Variants in GOT2 observed in about 807,000 individuals in gnomAD.
GOT2 encodes glutamic-oxaloacetic transaminase 2, also known as aspartate aminotransferase, mitochondrial.
A neutral mutation model predicts 50.0 loss-of-function variants in GOT2; 17 were observed. The ratio of observed to expected loss-of-function variants is 0.34; its 90% CI spans 0.23 to 0.51. GOT2 has a LOEUF of 0.51. Among genes scored for constraint, GOT2 ranks in the 20% least tolerant of loss-of-function variants. The pLI, the probability that GOT2 is intolerant of heterozygous loss-of-function variation, is 0.97. For missense variants in GOT2, 430 were observed against 559.6 expected (o/e 0.77, Z 2.34); for synonymous variants, 172 against 204.9 (o/e 0.84, Z 1.37).
intron 1 of GOT2, among the ~76,000 whole-genome samples, chr16:58,733,671 C>T (rs1209359678): frequency 1.3e-5 from 2 of 152,088 alleles, no homozygotes; most frequent in East Asian, 3.9e-4. Context: ...CTCTCGCGCT[C>T]TTCCCGCCCA....
In GOT2 at chr16:58,707,938, A is replaced by G. The variant is rs1401888237; in HGVS notation, c.*233T>C. On this transcript the variant is annotated 3_prime_UTR_variant, in exon 10 of 10. Transcript: ENST00000245206. Reference sequence around the variant, plus strand: ...AAACTCTTTGAGAAAAGTTGGAGAAAAAAGGACCGGGGAGAGTTTGGTTTA... The same window carrying G: ...AAACTCTTTGAGAAAAGTTGGAGAAGAAAGGACCGGGGAGAGTTTGGTTTA... 8.6e-6 allele frequency: 3 copies of G among 348,254 alleles called. No individual in the cohort carries two copies. The highest frequency in any genetic ancestry group is 1.5e-5 in the Non-Finnish European group (3 of 193,960). The allele number at this position is 348,254 out of a possible 1,614,324, so 21.6% of individuals were successfully genotyped here.
At position 58,722,039 on chromosome 16, in the gene GOT2, C is replaced by A. The variant is rs527807421; in HGVS notation, c.375+111G>T. The A allele has an allele frequency of 9.8e-5, 121 of 1,239,246 alleles. 1 individual carries two copies. In the African/African-American group the frequency reaches 1.7e-3, roughly 18 times the overall value. The allele number at this position is 1,239,246 out of a possible 1,614,324, so 76.8% of individuals were successfully genotyped here. On this transcript the variant is annotated intron_variant, in intron 3 of 9. Coordinates refer to ENST00000245206, the MANE Select transcript of GOT2 (RefSeq NM_002080.4). ...AGATGAACCACCCGCCTTGGCCTCC[C>A]AAAGTGGTGGGATTACAGGCGTGAG...
intron 3 of GOT2, among the ~76,000 whole-genome samples, chr16:58,719,785 A>C (rs2044726401): frequency 6.6e-6 from 1 of 152,194 alleles, no homozygotes; most frequent in Non-Finnish European, 1.5e-5. Flanking sequence ...ATAAAAAGAC[A>C]CTGAGAACAG....
rs373294477 is a variant in GOT2, at chr16:58,718,586, G to A, written c.538C>T (p.Arg180Trp). ...CCGCAAGTCTTGGGGTCATAATACC[G>A]ATAACCTTGTAGCTGCATGCCAGCA... ...RDAGMQLQGY[R>W]YYDPKTCGFD... The change falls in exon 5 of 10, where the codon CGG becomes TGG. Residue 180 changes from arginine to tryptophan, a missense_variant. Transcript: ENST00000245206. 5 of 1,610,664 alleles carry A rather than the reference G, an allele frequency of 3.1e-6. No individual in the cohort carries two copies. Among genetic ancestry groups the A allele is most frequent in the Admixed American group, 1.7e-5 (1 of 59,366 alleles).
At chr16:58,727,380 T>A (rs115000601) in intron 1 of GOT2, among the ~76,000 whole-genome samples, 8,907 of 151,216 alleles carry the variant, frequency 0.059, 579 homozygotes, top group African/African-American at 0.17. Flanking sequence ...TTTTTTTTTT[T>A]AAAAAAAGAA....
At chr16:58,712,272 G>A (rs2044655187) in intron 8 of GOT2, among the ~76,000 whole-genome samples, 1 of 152,140 alleles carries the variant, frequency 6.6e-6, no homozygotes, top group Non-Finnish European at 1.5e-5. Flanking sequence ...AGCACTTTGG[G>A]AGGCTGAGGT....
At chr16:58,720,202 C>CTAAA (rs957626315) in intron 3 of GOT2, among the ~76,000 whole-genome samples, 21 of 152,224 alleles carry the variant, frequency 1.4e-4, no homozygotes, top group South Asian at 8.3e-4. Context: ...AATTCCATCT[C>CTAAA]TAAATAAATA....
rs1468311898 is a variant in GOT2, at chr16:58,708,084, T to C, written c.*87A>G. The C allele has an allele frequency of 8.4e-6, 11 of 1,315,046 alleles. No individual in the cohort carries two copies. The highest frequency in any genetic ancestry group is 2.7e-5 in the South Asian group (2 of 74,720). The allele number at this position is 1,315,046 out of a possible 1,614,324, so 81.5% of individuals were successfully genotyped here. On this transcript the variant is annotated 3_prime_UTR_variant, in exon 10 of 10. Transcript: ENST00000245206. Reference sequence around the variant, plus strand: ...GAAAGAAATGATCCACTCACCACCATCCACCCTCTCTCATTGTCTGTGTGA... The same window carrying C: ...GAAAGAAATGATCCACTCACCACCACCCACCCTCTCTCATTGTCTGTGTGA...
At chr16:58,720,932 G>T (rs566918262) in intron 3 of GOT2, among the ~76,000 whole-genome samples, 4 of 152,108 alleles carry the variant, frequency 2.6e-5, no homozygotes, top group Non-Finnish European at 2.9e-5. Context: ...TTTTAAGGTA[G>T]GCCAGTTTCA....
chr16:58,715,963 G>A (rs1293719067), intron 8 of GOT2, 51 bp downstream of exon 8: 6 of 1,419,052 alleles, frequency 4.2e-6, no homozygotes, highest in Non-Finnish European at 4.8e-6. Flanking sequence ...TAACTTTGAA[G>A]GAGCAGTGGT....
At chr16:58,720,314 A>G (rs1179742311) in intron 3 of GOT2, among the ~76,000 whole-genome samples, 1 of 152,214 alleles carries the variant, frequency 6.6e-6, no homozygotes, top group Non-Finnish European at 1.5e-5. Flanking sequence ...GAATCTCCTT[A>G]TTCAAATTGG....
At position 58,718,708 on chromosome 16, in the gene GOT2, G is replaced by T; in HGVS notation, c.436-20C>A. On this transcript the variant is annotated intron_variant, in intron 4 of 9. Transcript: ENST00000245206. The stretch of plus-strand genomic sequence containing the variant: ...TCTTTGCTAAAAGATGGGACGAAAG[G>T]AAACAGAAAAATGAACAAAGGAGAG... 1.3e-6 allele frequency: 2 copies of T among 1,537,944 alleles called. No homozygotes were observed. The highest frequency in any genetic ancestry group is 1.8e-6 in the Non-Finnish European group (2 of 1,142,306).
chr16:58,709,386 G>C (rs145749457), intron 9 of GOT2, 31 bp downstream of exon 9: 27 of 1,547,672 alleles, frequency 1.7e-5, no homozygotes, highest in Non-Finnish European at 2.1e-5. Context: ...CTGATCAGCT[G>C]GTCTGCTGCA....
At chr16:58,719,312 C>G in intron 3 of GOT2, 57 bp from the exon 4 acceptor site, 6 of 1,157,238 alleles carry the variant, frequency 5.2e-6, no homozygotes, top group Non-Finnish European at 6.5e-6. Flanking sequence ...CAGGCCCAGA[C>G]CCAGGGCCAC....
Position 58,723,782 on chromosome 16 carries a change from A to T in GOT2, c.210T>A (p.Asp70Glu). 3 of 1,613,054 alleles carry T rather than the reference A, an allele frequency of 1.9e-6. No individual in the cohort carries two copies. Among genetic ancestry groups the T allele is most frequent in the Non-Finnish European group, 2.5e-6 (3 of 1,179,080 alleles). The stretch of plus-strand genomic sequence containing the variant: ...TAGGCAGAACGTAAGGCTTTCCATT[A>T]TCATCCCGGTAGGCACCAACTCCCA... ...MNLGVGAYRD[D>E]NGKPYVLPSV... The change falls in exon 2 of 10, where the codon GAT (aspartate) becomes GAA (glutamate). Residue 70 changes from aspartate (D) to glutamate (E), a missense_variant. Transcript: ENST00000245206.
intron 8 of GOT2, among the ~76,000 whole-genome samples, chr16:58,714,707 TAAAAAAAAACAA>T (rs2044677806): frequency 6.7e-6 from 1 of 149,940 alleles, no homozygotes; most frequent in African/African-American, 2.5e-5. Flanking sequence ...CAAGACTGTT[TAAAAAAAAACAA>T]AAAACAAAAC....
intron 1 of GOT2, among the ~76,000 whole-genome samples, chr16:58,733,318 C>A (rs1478657938): frequency 6.6e-6 from 1 of 152,124 alleles, no homozygotes; most frequent in Non-Finnish European, 1.5e-5. Context: ...TGTCATTGTC[C>A]TTCCCTCGCC....
At chr16:58,725,112 C>CTT (rs34912264) in intron 1 of GOT2, among the ~76,000 whole-genome samples, 79,778 of 145,322 alleles carry the variant, frequency 0.55, 22,534 homozygotes, top group Middle Eastern at 0.81. Context: ...TTCTTTCTTT[C>CTT]TTTTTTTTTT....
At chr16:58,713,747 C>A (rs1302193535) in intron 8 of GOT2, among the ~76,000 whole-genome samples, 1 of 152,200 alleles carries the variant, frequency 6.6e-6, no homozygotes, top group East Asian at 1.9e-4. Flanking sequence ...ACACCTTCCA[C>A]AGGCATCATG....
Sources: gnomAD v4.1 joint callset for allele counts (sites outside exome capture counted in the v4.1 genomes callset) on GRCh38, gnomAD v4.1.1 for gene constraint, MANE v1.5 for transcripts, NCBI Gene and HGNC (gene_info 2026-07-23, HGNC 2026-07-21) for gene names.